ANKRD36C: variants seen among roughly 807,000 people sequenced by gnomAD.
ANKRD36C encodes the protein ankyrin repeat domain 36C, also known as ankyrin repeat domain-containing protein 36C.
ANKRD36C carries 61 observed loss-of-function variants against 276.4 expected under a neutral mutation model. The ratio of observed to expected loss-of-function variants is 0.22; its 90% CI spans 0.18 to 0.27. ANKRD36C has a LOEUF of 0.27. Ranked by LOEUF, ANKRD36C falls within the 10% of genes least tolerant of loss-of-function variation. The pLI is 1.00. For synonymous variants in ANKRD36C, 483 were observed against 680.1 expected (o/e 0.71, Z 4.51); for missense variants, 1,447 against 2,032.3 (o/e 0.71, Z 5.54).
At chr2:95,934,152 G>T (rs1677649487) in intron 24 of ANKRD36C, among the ~76,000 whole-genome samples, 1 of 152,146 alleles carries the variant, frequency 6.6e-6, no homozygotes, top group African/African-American at 2.4e-5. Context: ...TATATTGTTG[G>T]TGGGAGTGTC....
intron 59 of ANKRD36C, among the ~76,000 whole-genome samples, chr2:95,876,153 ATG>A (rs1203603616): frequency 6.6e-6 from 1 of 151,612 alleles, no homozygotes; most frequent in African/African-American, 2.4e-5. Flanking sequence ...TCAATATTTG[ATG>A]TTACCTTCTT....
intron 58 of ANKRD36C, among the ~76,000 whole-genome samples, chr2:95,876,999 A>T (rs2104312710): frequency 1.3e-5 from 2 of 149,160 alleles, no homozygotes; most frequent in African/African-American, 4.9e-5. Context: ...GAGGCACTAG[A>T]TGTCACCAGG....
Position 95,912,470 on chromosome 2 carries a change from G to A in ANKRD36C, c.2552-35C>T, listed in dbSNP as rs188820625. ...AAAAGGGATACATAATCACTCACAC[G>A]TAAATATGATAAAGTTATCCATACA... is the stretch of plus-strand genomic sequence containing the variant. On this transcript the variant is annotated intron_variant, in intron 40 of 66. Transcript: ENST00000456556. 334 of 1,604,114 alleles carry A rather than the reference G, an allele frequency of 2.1e-4. 2 individuals are homozygous for A. The African/African-American group carries it at 3.7e-3, about 18-fold the overall frequency.
downstream of ANKRD36C, among the ~76,000 whole-genome samples, chr2:95,850,701 T>A (rs1204809008): frequency 6.6e-6 from 1 of 152,248 alleles, no homozygotes; most frequent in Non-Finnish European, 1.5e-5. Context: ...AGTAAACCAA[T>A]GACAAAGTCA....
At chr2:95,858,447 G>C (rs1411147656) in intron 61 of ANKRD36C, among the ~76,000 whole-genome samples, 2 of 152,024 alleles carry the variant, frequency 1.3e-5, no homozygotes, top group East Asian at 1.9e-4. Context: ...TCCTGCATAA[G>C]TTTCTATTAC....
chr2:95,947,510 T>C (rs186672201), intron 17 of ANKRD36C, among the ~76,000 whole-genome samples: 10 of 152,248 alleles, frequency 6.6e-5, no homozygotes, highest in African/African-American at 2.2e-4. Flanking sequence ...CTCATAGTAA[T>C]GCAGGAGTTT....
In ANKRD36C at chr2:95,990,891, T is replaced by C. The variant is rs182248191; in HGVS notation, c.197+621A>G. Among the ~76,000 whole-genome samples, 29 of 152,342 alleles carry C rather than the reference T, an allele frequency of 1.9e-4. No individual in the cohort carries two copies. The East Asian group carries it at 4.8e-3, about 25-fold the overall frequency. ...ACATTATGCTTTAAAACGTGTACATTAAAAATAAAACGCTGTACATGCTGA... is the reference window on the plus strand; with the variant it reads ...ACATTATGCTTTAAAACGTGTACATCAAAAATAAAACGCTGTACATGCTGA... On this transcript the variant is annotated intron_variant, in intron 1 of 66. Transcript: ENST00000456556.
In ANKRD36C at chr2:95,955,864, T is replaced by C. The variant is rs1573801401; in HGVS notation, c.1136+922A>G. ...GTTTAGTCTCTAGGATTTCTTAACA[T>C]TCTGAAATTCTAAGCACCTCTGATT... On this transcript the variant is annotated intron_variant, in intron 13 of 66. Coordinates refer to ENST00000456556, the Ensembl canonical transcript of ANKRD36C. 2.0e-5 allele frequency among the ~76,000 whole-genome samples: 3 copies of C among 152,300 alleles called. No individual in the cohort carries two copies. The South Asian group carries it at 6.2e-4, about 32-fold the overall frequency.
At chr2:95,855,994 C>T in exon 63 of ANKRD36C, 2 of 1,612,904 alleles carry the variant, frequency 1.2e-6, no homozygotes, top group Non-Finnish European at 1.7e-6. Flanking sequence ...GCTAATGTTT[C>T]CTCATTCCGT....
intron 6 of ANKRD36C, among the ~76,000 whole-genome samples, chr2:95,968,048 T>C (rs1678628400): frequency 6.6e-6 from 1 of 152,050 alleles, no homozygotes; most frequent in Non-Finnish European, 1.5e-5. Flanking sequence ...GCCAAGATTG[T>C]GCCATTCCAC....
At chr2:95,970,456 G>A (rs1031986636) in intron 6 of ANKRD36C, among the ~76,000 whole-genome samples, 1 of 152,094 alleles carries the variant, frequency 6.6e-6, no homozygotes, top group Non-Finnish European at 1.5e-5. Flanking sequence ...GAATGGTATG[G>A]CAAGTTGCCA....
chr2:95,966,356 G>A (rs997387119), intron 6 of ANKRD36C, among the ~76,000 whole-genome samples: 2 of 152,132 alleles, frequency 1.3e-5, no homozygotes, highest in Non-Finnish European at 2.9e-5. Context: ...AAAGTGTAAG[G>A]AAGGGGTCCA....
chr2:95,912,842 G>T (rs912151169), intron 40 of ANKRD36C, among the ~76,000 whole-genome samples: 61 of 151,378 alleles, frequency 4.0e-4, no homozygotes, highest in Middle Eastern at 3.4e-3. Flanking sequence ...TACACCATTA[G>T]GCTACAAACA....
intron 59 of ANKRD36C, among the ~76,000 whole-genome samples, chr2:95,873,358 T>C (rs1404267134): frequency 6.6e-6 from 1 of 152,196 alleles, no homozygotes; most frequent in Non-Finnish European, 1.5e-5. Context: ...CAAGGCTGCT[T>C]CAATATACGC....
intron 44 of ANKRD36C, 41 bp from the exon 61 acceptor site, chr2:95,895,631 A>G (rs1676515395): frequency 6.4e-6 from 10 of 1,565,030 alleles, no homozygotes; most frequent in South Asian, 1.1e-5. Flanking sequence ...ACATGTAAAT[A>G]TGATAAAGTT....
chr2:95,864,194 T>A (rs1476588058), intron 60 of ANKRD36C, among the ~76,000 whole-genome samples: 1 of 152,114 alleles, frequency 6.6e-6, no homozygotes, highest in Admixed American at 6.6e-5. Flanking sequence ...TATCCGACAG[T>A]ATAATGAAAA....
chr2:95,859,987 C>T (rs1230878738), exon 61 of ANKRD36C: 1 of 1,549,214 alleles, frequency 6.5e-7, no homozygotes, highest in Non-Finnish European at 8.7e-7. Context: ...AATTTTTACT[C>T]TAAGTTGCTC....
At chr2:95,889,923 C>G in intron 47 of ANKRD36C, 43 bp downstream of exon 67, 1 of 1,609,112 alleles carries the variant, frequency 6.2e-7, no homozygotes, top group Non-Finnish European at 8.5e-7. Context: ...GTTTCATAGA[C>G]TATACAGTTA....
chr2:95,912,951 C>T (rs953469313), intron 40 of ANKRD36C, among the ~76,000 whole-genome samples: 3 of 151,088 alleles, frequency 2.0e-5, no homozygotes, highest in African/African-American at 7.3e-5. Context: ...GTGGAAGTGT[C>T]CTGAATTGAT....
Sources: gnomAD v4.1 joint callset for allele counts (sites outside exome capture counted in the v4.1 genomes callset) on GRCh38, gnomAD v4.1.1 for gene constraint, MANE v1.5 for transcripts, NCBI Gene and HGNC (gene_info 2026-07-23, HGNC 2026-07-21) for gene names.